Variants in ADAMTSL1 observed in about 807,000 individuals in gnomAD.
ADAMTSL1 encodes ADAMTS like 1, also known as ADAMTS-like protein 1.
In ADAMTSL1, 126 loss-of-function variants were observed where a neutral mutation model predicts 201.8. The observed-to-expected ratio is 0.62, with a 90% CI of 0.54 to 0.72. The LOEUF is 0.72. Ranked by LOEUF, ADAMTSL1 falls within the 30% of genes least tolerant of loss-of-function variation. ADAMTSL1 has a pLI of 0.00. For synonymous variants in ADAMTSL1, 1,121 were observed against 903.4 expected (o/e 1.24, Z -4.32); for missense variants, 2,679 against 2,277.8 (o/e 1.18, Z -3.59).
intron 2 of ADAMTSL1, among the ~76,000 whole-genome samples, chr9:18,356,311 C>T (rs1836224334): frequency 6.6e-6 from 1 of 152,058 alleles, no homozygotes; most frequent in African/African-American, 2.4e-5. Context: ...AGGCTTCGGG[C>T]TGTTTTTGGC....
intron 4 of ADAMTSL1, among the ~76,000 whole-genome samples, chr9:18,582,785 G>A (rs1045063887): frequency 1.1e-4 from 16 of 151,656 alleles, no homozygotes; most frequent in Non-Finnish European, 5.9e-5. Flanking sequence ...GGAGGCGGAG[G>A]TTGCAGTGAG....
chr9:18,684,312 G>C (rs1386500250), intron 12 of ADAMTSL1, among the ~76,000 whole-genome samples: 1 of 151,668 alleles, frequency 6.6e-6, no homozygotes, highest in Non-Finnish European at 1.5e-5. Context: ...AAAAAAAAAA[G>C]TTAGAATTTA....
intron 1 of ADAMTSL1, among the ~76,000 whole-genome samples, chr9:18,491,823 A>C (rs1368796602): frequency 6.6e-6 from 1 of 152,174 alleles, no homozygotes; most frequent in Non-Finnish European, 1.5e-5. Context: ...TCCCATTTTA[A>C]TACAAGTAGA....
chr9:17,925,825 T>G (rs903678768), intron 1 of ADAMTSL1, among the ~76,000 whole-genome samples: 1 of 143,214 alleles, frequency 7.0e-6, no homozygotes, highest in Non-Finnish European at 1.5e-5. Flanking sequence ...CTGCACAATG[T>G]GCACATGTAC....
chr9:18,417,103 G>T (rs533696079), intron 2 of ADAMTSL1, among the ~76,000 whole-genome samples: 70 of 151,824 alleles, frequency 4.6e-4, no homozygotes, highest in Non-Finnish European at 7.4e-4. Context: ...AATTAGAAAA[G>T]AATAACAAAA....
Position 18,828,709 on chromosome 9 carries a change from G to GTA in ADAMTSL1, c.4115-1122_4115-1121dup, listed in dbSNP as rs1372945581. 4.6e-5 allele frequency among the ~76,000 whole-genome samples: 4 copies of GTA among 87,612 alleles called. No individual in the cohort carries two copies. In the East Asian group the frequency reaches 1.0e-3, roughly 22 times the overall value. The allele number at this position is 87,612 out of a possible 152,430, so 57.5% of individuals were successfully genotyped here. A position where few individuals can be genotyped will look rare whatever the true frequency, so the allele number is the denominator to read the frequency against. On this transcript the variant is annotated intron_variant, in intron 22 of 28. Coordinates refer to ENST00000380548, the MANE Select transcript of ADAMTSL1 (RefSeq NM_001040272.6). ...ATATATATATAAAATGTGTGTGTGTGTATATATATATATGTACACACACAC... is the reference window on the plus strand; with the variant it reads ...ATATATATATAAAATGTGTGTGTGTGTATATATATATATATGTACACACACAC...
chr9:18,518,189 TTTA>T lies in ADAMTSL1; in HGVS notation c.191+13237_191+13239del, dbSNP rs566283127. Among the ~76,000 whole-genome samples the T allele has an allele frequency of 3.0e-3, 457 of 152,314 alleles. 2 individuals are homozygous for T. Among genetic ancestry groups the T allele is most frequent in the African/African-American group, 0.011 (437 of 41,560 alleles). On this transcript the variant is annotated intron_variant, in intron 2 of 28. Transcript: ENST00000380548. ...TAGATTCAGGGGGTACATGTGCATG[TTTA>T]TTACATGGGTATATTGCATAATGGT...
intron 5 of ADAMTSL1, among the ~76,000 whole-genome samples, chr9:18,629,696 T>C (rs1826621827): frequency 6.6e-6 from 1 of 152,176 alleles, no homozygotes; most frequent in Admixed American, 6.5e-5. Flanking sequence ...GTCTGTCGTA[T>C]TCTTTTTTGT....
At chr9:17,996,092 C>G (rs1040502725) in intron 1 of ADAMTSL1, among the ~76,000 whole-genome samples, 25 of 151,970 alleles carry the variant, frequency 1.6e-4, no homozygotes, top group Non-Finnish European at 3.4e-4. Flanking sequence ...CATTCCCTGT[C>G]TTGTGGATAA....
At chr9:18,414,847 C>T (rs1408049074) in intron 2 of ADAMTSL1, among the ~76,000 whole-genome samples, 1 of 152,136 alleles carries the variant, frequency 6.6e-6, no homozygotes, top group African/African-American at 2.4e-5. Context: ...AGTAAAAGAA[C>T]TCCTCAAAAG....
intron 2 of ADAMTSL1, among the ~76,000 whole-genome samples, chr9:18,394,811 T>C (rs1447249941): frequency 6.6e-6 from 1 of 152,242 alleles, no homozygotes; most frequent in East Asian, 1.9e-4. Flanking sequence ...AGCATTTTTT[T>C]GCATTATGCT....
intron 2 of ADAMTSL1, among the ~76,000 whole-genome samples, chr9:18,254,211 T>C (rs1831578843): frequency 6.6e-6 from 1 of 152,158 alleles, no homozygotes; most frequent in South Asian, 2.1e-4. Context: ...ATAAACTCTA[T>C]AAAACTCTTA....
In ADAMTSL1 at chr9:18,838,380, C is replaced by CAA. The variant is rs1003903036; in HGVS notation, c.4249+8404_4249+8405insAA. 3.7e-3 allele frequency among the ~76,000 whole-genome samples: 514 copies of CAA among 138,298 alleles called. 6 individuals carry two copies. Among genetic ancestry groups the CAA allele is most frequent in the African/African-American group, 0.011 (451 of 39,486 alleles). 90.7% of individuals were successfully genotyped at this position (138,298 alleles called of 152,430 possible). On this transcript the variant is annotated intron_variant, in intron 23 of 28. Transcript: ENST00000380548. Reference sequence around the variant, plus strand: ...CATATTACACACACACACACACACACACACACACACACACACACACACGCA... The same window carrying CAA: ...CATATTACACACACACACACACACACAAACACACACACACACACACACACGCA...
At chr9:18,177,278 G>A (rs979667533) in intron 2 of ADAMTSL1, among the ~76,000 whole-genome samples, 2 of 152,132 alleles carry the variant, frequency 1.3e-5, no homozygotes, top group African/African-American at 4.8e-5. Context: ...TGAAAACTAT[G>A]GTGTTGTGTG....
chr9:18,291,746 C>G (rs1280785009), intron 2 of ADAMTSL1, among the ~76,000 whole-genome samples: 1 of 113,458 alleles, frequency 8.8e-6, no homozygotes, highest in Non-Finnish European at 1.9e-5. Flanking sequence ...CTCTCTCTCT[C>G]TCACACACAC....
intron 4 of ADAMTSL1, among the ~76,000 whole-genome samples, chr9:18,608,787 C>T (rs1213168423): frequency 1.3e-5 from 2 of 152,170 alleles, no homozygotes. Context: ...GATTTTGTGA[C>T]TCCTGTTTGA....
intron 19 of ADAMTSL1, among the ~76,000 whole-genome samples, chr9:18,781,549 G>A (rs886891459): frequency 2.6e-5 from 4 of 152,206 alleles, no homozygotes; most frequent in Non-Finnish European, 5.9e-5. Flanking sequence ...GAGGCACAGA[G>A]CTGCCATTAG....
rs564383292 is a variant in ADAMTSL1 at position 18,533,502 on chromosome 9, A to G, written c.237+210A>G. 3.3e-5 allele frequency among the ~76,000 whole-genome samples: 5 copies of G among 152,300 alleles called. No individual in the cohort carries two copies. The South Asian group carries it at 1.0e-3, about 32-fold the overall frequency. On this transcript the variant is annotated intron_variant, in intron 3 of 28. Transcript: ENST00000380548. ...TCATTTGAGCAGCTTGAAACTAACTAGACTATTTCAAAACAAGGACTCTAC... is the reference window on the plus strand; with the variant it reads ...TCATTTGAGCAGCTTGAAACTAACTGGACTATTTCAAAACAAGGACTCTAC...
At chr9:18,175,370 T>G (rs1828094221) in intron 2 of ADAMTSL1, among the ~76,000 whole-genome samples, 1 of 152,242 alleles carries the variant, frequency 6.6e-6, no homozygotes, top group Non-Finnish European at 1.5e-5. Context: ...CTGCAGACAC[T>G]GTGCATTTAT....
Sources: allele counts gnomAD v4.1 joint callset (sites outside exome capture counted in the v4.1 genomes callset), GRCh38; gene constraint gnomAD v4.1.1; transcripts MANE v1.5; gene names NCBI Gene and HGNC (gene_info 2026-07-23, HGNC 2026-07-21).